ASL: variants seen among roughly 807,000 people sequenced by gnomAD.
ASL encodes argininosuccinate lyase, also known as argininosuccinase.
In ASL, 51 loss-of-function variants were observed where a neutral mutation model predicts 69.1. That is an observed-to-expected ratio of 0.74 (90% CI 0.59 to 0.93). The LOEUF (loss-of-function observed/expected upper bound fraction) is 0.93. ASL is among the 40% of genes least tolerant of loss of function. The pLI is 0.00. For missense variants in ASL, 540 were observed against 623.9 expected, an observed-to-expected ratio of 0.87 and a Z score of 1.43; for synonymous variants, 241 against 247.6, an observed-to-expected ratio of 0.97 and a Z score of 0.25.
At chr7:66,092,460 A>T in intron 15 of ASL, 97 bp from the exon 16 acceptor site, 2 of 1,170,030 alleles carry the variant, frequency 1.7e-6, no homozygotes, top group Non-Finnish European at 2.4e-6. Flanking sequence ...TGTGTCAAAA[A>T]GAAAAAAAAA....
chr7:66,092,524 T>A (rs767086560), intron 15 of ASL, 33 bp from the exon 16 acceptor site: 222 of 1,585,758 alleles, frequency 1.4e-4, no homozygotes, highest in Middle Eastern at 1.1e-3. Context: ...TGGAGAAACC[T>A]GCCTCAGCGC....
Position 66,082,441 on chromosome 7 carries a change from G to A in ASL, c.281G>A (p.Arg94His), listed in dbSNP as rs777437569. The change falls in exon 4 of 17, where the codon CGC (arginine) becomes CAC (histidine). Residue 94 changes from arginine (R) to histidine (H), a missense_variant. Coordinates refer to ENST00000304874, the MANE Select transcript of ASL (RefSeq NM_000048.4). ...GAGGACATCCACACAGCCAATGAGCGCCGCCTGAAGGTACGACCCCTGGAG... is the reference window on the plus strand; with the variant it reads ...GAGGACATCCACACAGCCAATGAGCACCGCCTGAAGGTACGACCCCTGGAG... Reference protein sequence around the residue: ...NDEDIHTANERRLKELIGATA... With the variant: ...NDEDIHTANEHRLKELIGATA... The A allele has an allele frequency of 2.5e-6, 4 of 1,609,724 alleles. No individual in the cohort carries two copies. Among genetic ancestry groups the A allele is most frequent in the East Asian group, 2.2e-5 (1 of 44,760 alleles).
At chr7:66,082,787 G>T in intron 4 of ASL, 93 bp from the exon 5 acceptor site, 1 of 1,477,358 alleles carries the variant, frequency 6.8e-7, no homozygotes, top group Non-Finnish European at 9.4e-7. Context: ...GGGTATGGAG[G>T]TAGGTTGGCA....
intron 15 of ASL, among the ~76,000 whole-genome samples, 177 bp from the exon 16 acceptor site, chr7:66,092,380 T>C (rs1209824693): frequency 6.7e-6 from 1 of 149,488 alleles, no homozygotes; most frequent in Non-Finnish European, 1.5e-5. Flanking sequence ...TTGATTGAAC[T>C]GGGAGGTGGA....
At position 66,083,142 on chromosome 7, in the gene ASL, G is replaced by A; in HGVS notation, c.414G>A (p.Glu138=). 6.2e-7 allele frequency: 1 copy of A among 1,613,546 alleles called. No homozygotes were observed. Among genetic ancestry groups the A allele is most frequent in the Admixed American group, 1.7e-5 (1 of 59,994 alleles). Residue 138 remains glutamate (E), a synonymous_variant, in exon 6 of 17, where the codon GAG becomes GAA. Coordinates refer to ENST00000304874, the MANE Select transcript of ASL (RefSeq NM_000048.4). Reference sequence around the variant, plus strand: ...CCACGCTCTCGGGCCTCCTCTGGGAGCTCATTAGGACCATGGTGGATCGGG... The same window carrying A: ...CCACGCTCTCGGGCCTCCTCTGGGAACTCATTAGGACCATGGTGGATCGGG... ...TCSTLSGLLW[E]LIRTMVDRAE... is the part of the protein sequence containing the mutation.
At position 66,092,862 on chromosome 7, in the gene ASL, G is replaced by A. The variant is rs781031440; in HGVS notation, c.1345G>A (p.Asp449Asn). 36 of 1,612,496 alleles carry A rather than the reference G, an allele frequency of 2.2e-5. No homozygotes were observed. The highest frequency in any genetic ancestry group is 1.2e-4 in the Admixed American group (7 of 59,994). Residue 449 changes from aspartate to asparagine, a missense_variant, in exon 17 of 17, where the codon GAC becomes AAC. By Grantham distance (23) the Asp-to-Asn change is conservative. Transcript: ENST00000304874. ...ALGGTARSSV[D>N]WQIRQVRALL... ...GGGCGGCACTGCGCGCTCCAGCGTC[G>A]ACTGGCAGATCCGCCAGGTGCGGGC...
At chr7:66,082,786 G>A (rs1273453617) in intron 4 of ASL, 94 bp from the exon 5 acceptor site, 2 of 1,469,714 alleles carry the variant, frequency 1.4e-6, no homozygotes, top group Admixed American at 3.6e-5. Flanking sequence ...GGGGTATGGA[G>A]GTAGGTTGGC....
chr7:66,087,300 G>T (rs753587033), intron 8 of ASL, 34 bp from the exon 9 acceptor site: 1 of 1,590,206 alleles, frequency 6.3e-7, no homozygotes, highest in Non-Finnish European at 8.5e-7. Context: ...TGCCTGCCAG[G>T]AGCCCTGGTC....
intron 6 of ASL, chr7:66,083,398 C>T (rs530054631): frequency 1.0e-5 from 5 of 496,620 alleles, no homozygotes; most frequent in South Asian, 4.0e-5. Context: ...ACTAACCCTT[C>T]GTGGGGCTGG....
Position 66,089,676 on chromosome 7 carries a change from GCGTCATCTCTACGCTGCAGGCAAGA to G in ASL, c.1045_1062+7del, listed in dbSNP as rs1329070853. Reference sequence around the variant, plus strand: ...AGTGCCGTGCTCCAGGTGGCCACTGGCGTCATCTCTACGCTGCAGGCAAGACATCACCCCCCTGCTTCTCCTCCCC... The same window carrying G: ...AGTGCCGTGCTCCAGGTGGCCACTGGCATCACCCCCCTGCTTCTCCTCCCC... On this transcript the variant is annotated splice_donor_variant and splice_donor_5th_base_variant and coding_sequence_variant and intron_variant, in exon 14 of 17. Transcript: ENST00000304874. LOFTEE classifies it high-confidence loss of function. 2 of 1,613,486 alleles carry G rather than the reference GCGTCATCTCTACGCTGCAGGCAAGA, an allele frequency of 1.2e-6. No homozygotes were observed. Among genetic ancestry groups the G allele is most frequent in the Non-Finnish European group, 1.7e-6 (2 of 1,179,776 alleles).
chr7:66,079,184 T>G (rs1016409414), intron 2 of ASL, among the ~76,000 whole-genome samples: 2 of 152,116 alleles, frequency 1.3e-5, no homozygotes, highest in African/African-American at 4.8e-5. Flanking sequence ...CCCAAAGTGC[T>G]AGGATTATAG....
chr7:66,078,249 G>A (rs1029470944), intron 2 of ASL, among the ~76,000 whole-genome samples: 1 of 152,174 alleles, frequency 6.6e-6, no homozygotes, highest in Admixed American at 6.6e-5. Context: ...CAGGACCAGG[G>A]CCCCACGTGG....
At chr7:66,087,502 C>T (rs550365646) in intron 9 of ASL, 116 bp downstream of exon 9, 6 of 1,335,792 alleles carry the variant, frequency 4.5e-6, no homozygotes, top group Non-Finnish European at 6.3e-6. Flanking sequence ...AACCTTCATT[C>T]ATTGCCTATG....
intron 14 of ASL, among the ~76,000 whole-genome samples, chr7:66,090,939 A>G (rs1392949107): frequency 6.6e-6 from 1 of 152,010 alleles, no homozygotes; most frequent in Non-Finnish European, 1.5e-5. Context: ...CTTTACTAAA[A>G]ATATAAAAAT....
intron 14 of ASL, chr7:66,091,783 A>G (rs1786849131): frequency 3.4e-6 from 2 of 587,438 alleles, no homozygotes; most frequent in South Asian, 3.9e-5. Flanking sequence ...CTTTGAAAAC[A>G]TAAAGGCCAG....
rs777617137 is a variant in ASL at position 66,089,078 on chromosome 7, CCT to C, written c.834-10_834-9del. The C allele has an allele frequency of 1.2e-6, 2 of 1,613,814 alleles. No individual in the cohort carries two copies. Among genetic ancestry groups the C allele is most frequent in the Admixed American group, 3.3e-5 (2 of 60,010 alleles). On this transcript the variant is annotated splice_polypyrimidine_tract_variant and intron_variant, in intron 11 of 16. Transcript: ENST00000304874. ...GGGTCCAGCCCCTTCAGCGCCAGCACCTCTGTCCCCAGCACGGGAAGCAGCCT... is the reference window on the plus strand; with the variant it reads ...GGGTCCAGCCCCTTCAGCGCCAGCACCTGTCCCCAGCACGGGAAGCAGCCT...
chr7:66,089,573 G>A (rs763844562), intron 13 of ASL, 39 bp from the exon 14 acceptor site: 10 of 1,608,434 alleles, frequency 6.2e-6, no homozygotes, highest in Non-Finnish European at 8.5e-6. Flanking sequence ...GGGTGCCAGG[G>A]GGCTGCTAGG....
At chr7:66,083,258 C>T (rs1300340487) in intron 6 of ASL, 84 bp downstream of exon 6, 11 of 1,453,072 alleles carry the variant, frequency 7.6e-6, no homozygotes, top group Admixed American at 1.9e-5. Context: ...GGGTGAACAG[C>T]GTGGGGGTGC....
In ASL at chr7:66,083,278, G is replaced by T. The variant is rs150897199; in HGVS notation, c.446+104G>T. 90 of 1,246,176 alleles carry T rather than the reference G, an allele frequency of 7.2e-5. No homozygotes were observed. In the East Asian group the frequency reaches 2.0e-3, roughly 28 times the overall value. 77.2% of individuals were successfully genotyped at this position (1,246,176 alleles called of 1,614,324 possible). A position where few individuals can be genotyped will look rare whatever the true frequency, so the allele number is the denominator to read the frequency against. ...AACAGCGTGGGGGTGCCAGGCCCTG[G>T]GGGACAGGGGCATCCCAGAACTCCA... is the stretch of plus-strand genomic sequence containing the variant. On this transcript the variant is annotated intron_variant, in intron 6 of 16. Transcript: ENST00000304874.
Sources: gnomAD v4.1 joint callset for allele counts (sites outside exome capture counted in the v4.1 genomes callset) on GRCh38, gnomAD v4.1.1 for gene constraint, MANE v1.5 for transcripts, NCBI Gene and HGNC (gene_info 2026-07-23, HGNC 2026-07-21) for gene names.